Variants in DEGS2 observed in about 807,000 individuals in gnomAD.
The protein encoded by DEGS2 is sphingolipid delta(4)-desaturase/C4-monooxygenase DES2.
In DEGS2, 19 loss-of-function variants were observed where a neutral mutation model predicts 23.8. The ratio of observed to expected loss-of-function variants is 0.80; its 90% CI spans 0.56 to 1.17. The LOEUF is 1.17. Among genes scored for constraint, DEGS2 ranks in the 50% most tolerant of loss-of-function variants. DEGS2 has a pLI of 0.00. For missense variants in DEGS2, 390 were observed against 459.5 expected (o/e 0.85, Z 1.38); for synonymous variants, 218 against 213.7 (o/e 1.02, Z -0.18).
Position 100,153,482 on chromosome 14 carries a change from G to C in DEGS2, c.83-3772C>G, listed in dbSNP as rs576160483. Among the ~76,000 whole-genome samples the C allele has an allele frequency of 5.3e-5, 8 of 152,270 alleles. No individual in the cohort carries two copies. In the South Asian group the frequency reaches 1.7e-3, roughly 32 times the overall value. ...CCCATCTTCTCTGGGCCACAAGAGA[G>C]GGGGAAAGCCCAAGGCAGAGAAGGA... On this transcript the variant is annotated intron_variant, in intron 1 of 2. Transcript: ENST00000305631.
At chr14:100,153,958 C>T (rs1253806428) in intron 1 of DEGS2, among the ~76,000 whole-genome samples, 1 of 152,182 alleles carries the variant, frequency 6.6e-6, no homozygotes, top group Non-Finnish European at 1.5e-5. Context: ...GACTTGAACT[C>T]AGGACCCCCG....
intron 1 of DEGS2, among the ~76,000 whole-genome samples, chr14:100,155,996 C>T (rs769049340): frequency 1.6e-4 from 24 of 152,218 alleles, no homozygotes; most frequent in Non-Finnish European, 3.2e-4. Context: ...GCCTAGGAGA[C>T]CCCACTTTCT....
chr14:100,155,073 A>T (rs2140424273), intron 1 of DEGS2, among the ~76,000 whole-genome samples: 1 of 152,262 alleles, frequency 6.6e-6, no homozygotes, highest in African/African-American at 2.4e-5. Context: ...ATGCCATCAT[A>T]TGACAGTCAC....
At chr14:100,166,611 G>A in the DEGS2 span, among the ~76,000 whole-genome samples, 1 of 152,234 alleles carries the variant, frequency 6.6e-6, no homozygotes, top group East Asian at 1.9e-4. Context: ...TTACCAGGGG[G>A]CCGCGCTCAA....
upstream of DEGS2, among the ~76,000 whole-genome samples, chr14:100,161,129 C>T (rs1392730108): frequency 6.6e-6 from 1 of 152,220 alleles, no homozygotes; most frequent in Non-Finnish European, 1.5e-5. Flanking sequence ...TGACTTTGGC[C>T]CCTGACCTTT....
intron 2 of DEGS2, among the ~76,000 whole-genome samples, chr14:100,148,495 T>TGCCC (rs754653462): frequency 6.6e-6 from 1 of 152,198 alleles, no homozygotes; most frequent in African/African-American, 2.4e-5. Flanking sequence ...AAGGCAAAGA[T>TGCCC]GCCCATACCC....
In DEGS2 at chr14:100,146,349, GGC is replaced by G; in HGVS notation, c.*410_*411del. The G allele has an allele frequency of 5.5e-6, 1 of 180,250 alleles. No individual in the cohort carries two copies. Among genetic ancestry groups the G allele is most frequent in the Non-Finnish European group, 1.2e-5 (1 of 86,802 alleles). The allele number at this position is 180,250 out of a possible 1,614,324, so 11.2% of individuals were successfully genotyped here. On this transcript the variant is annotated 3_prime_UTR_variant, in exon 3 of 3. Coordinates refer to ENST00000305631, the MANE Select transcript of DEGS2 (RefSeq NM_206918.3). ...GGCCTCAAGCTCCACTCATCGGGGC[GGC>G]CCAGCGCCCCATTCCCTGGGGCCAG...
chr14:100,163,934 G>A (rs573888176), upstream of DEGS2, among the ~76,000 whole-genome samples: 20 of 152,168 alleles, frequency 1.3e-4, no homozygotes, highest in South Asian at 3.1e-3. Context: ...TTTGTGGCCC[G>A]GCGAGGTGGC....
chr14:100,159,060 C>G (rs560160622), intron 1 of DEGS2, among the ~76,000 whole-genome samples: 7 of 152,220 alleles, frequency 4.6e-5, no homozygotes, highest in Admixed American at 4.6e-4. Flanking sequence ...CCCGTGGCCG[C>G]GAGACCCAGG....
At chr14:100,154,135 C>T (rs1267551567) in intron 1 of DEGS2, among the ~76,000 whole-genome samples, 2 of 152,100 alleles carry the variant, frequency 1.3e-5, no homozygotes, top group African/African-American at 4.8e-5. Context: ...GAGGCTGAGA[C>T]GGGCAGATCA....
At chr14:100,147,006 T>G in intron 2 of DEGS2, 99 bp from the exon 3 acceptor site, 1 of 1,388,840 alleles carries the variant, frequency 7.2e-7, no homozygotes, top group Non-Finnish European at 9.8e-7. Context: ...GGCATGCACA[T>G]GCATATTCAT....
rs760596739 is a variant in DEGS2, at chr14:100,144,910, C to G, written c.*1851G>C. Reference sequence around the variant, plus strand: ...ATCTCAAGGGCCGGCTCCTAGCACACTGCACGTTGTTGGGCTTCCCGGCAG... The same window carrying G: ...ATCTCAAGGGCCGGCTCCTAGCACAGTGCACGTTGTTGGGCTTCCCGGCAG... On this transcript the variant is annotated 3_prime_UTR_variant, in exon 3 of 3. Coordinates refer to ENST00000305631, the MANE Select transcript of DEGS2 (RefSeq NM_206918.3). The G allele has an allele frequency of 1.3e-5, 2 of 152,378 alleles. No individual in the cohort carries two copies. The highest frequency in any genetic ancestry group is 2.1e-4 in the South Asian group (1 of 4,828). 9.4% of individuals were successfully genotyped at this position (152,378 alleles called of 1,614,324 possible). A position where few individuals can be genotyped will look rare whatever the true frequency, so the allele number is the denominator to read the frequency against.
At chr14:100,156,587 T>A (rs949154512) in intron 1 of DEGS2, among the ~76,000 whole-genome samples, 1 of 152,108 alleles carries the variant, frequency 6.6e-6, no homozygotes. Flanking sequence ...GGCTAATAAG[T>A]GGGTGTCAGG....
chr14:100,146,344 G>A lies in DEGS2; in HGVS notation c.*417C>T, dbSNP rs549584476. On this transcript the variant is annotated 3_prime_UTR_variant, in exon 3 of 3. Coordinates refer to ENST00000305631, the MANE Select transcript of DEGS2 (RefSeq NM_206918.3). The stretch of plus-strand genomic sequence containing the variant: ...ACTCAGGCCTCAAGCTCCACTCATC[G>A]GGGCGGCCCAGCGCCCCATTCCCTG... 5.6e-5 allele frequency: 10 copies of A among 179,012 alleles called. No homozygotes were observed. Among genetic ancestry groups the A allele is most frequent in the East Asian group, 1.8e-4 (1 of 5,650 alleles). 11.1% of individuals were successfully genotyped at this position (179,012 alleles called of 1,614,324 possible).
upstream of DEGS2, among the ~76,000 whole-genome samples, chr14:100,164,104 C>T (rs1317006605): frequency 1.3e-5 from 2 of 151,894 alleles, no homozygotes; most frequent in African/African-American, 2.4e-5. Flanking sequence ...TGGTCCCAGG[C>T]GCGATGTAGG....
At chr14:100,163,907 T>G (rs1185921366), upstream of DEGS2, among the ~76,000 whole-genome samples, 1 of 151,998 alleles carries the variant, frequency 6.6e-6, no homozygotes, top group African/African-American at 2.4e-5. Flanking sequence ...TTGGGGTTTT[T>G]TTTGCAGAGA....
rs542997190 is a variant in DEGS2 at position 100,149,064 on chromosome 14, G to A, written c.729C>T (p.Tyr243=). ...TCCAGTTGAGAGGCCCATAGTAGGAGTAGGTCTCGTGGCCCTTGAGGAACA... is the reference window on the plus strand; with the variant it reads ...TCCAGTTGAGAGGCCCATAGTAGGAATAGGTCTCGTGGCCCTTGAGGAACA... ...HYMFLKGHET[Y]SYYGPLNWIT... is the part of the protein sequence containing the mutation. Residue 243 remains tyrosine (Y), a synonymous_variant, in exon 2 of 3, where the codon TAC becomes TAT. Transcript: ENST00000305631. 18 of 1,612,958 alleles carry A rather than the reference G, an allele frequency of 1.1e-5. No homozygotes were observed. In the Admixed American group the frequency reaches 1.7e-4, roughly 15 times the overall value.
At chr14:100,158,995 A>G (rs1278588375) in intron 1 of DEGS2, among the ~76,000 whole-genome samples, 1 of 152,232 alleles carries the variant, frequency 6.6e-6, no homozygotes, top group African/African-American at 2.4e-5. Context: ...CGCGCCTCTC[A>G]TTCGCGTTTG....
rs4905937 is a variant in DEGS2 at position 100,149,624 on chromosome 14, C to T, written c.169G>A (p.Ala57Thr). ...VLVLVLVQML[A>T]CWLVRGLAWR... Reference sequence around the variant, plus strand: ...GCCAGCCCGCGCACCAGCCAGCAGGCCAGCATCTGCACCAGCACCAGCACC... The same window carrying T: ...GCCAGCCCGCGCACCAGCCAGCAGGTCAGCATCTGCACCAGCACCAGCACC... Residue 57 changes from alanine to threonine, a missense_variant, in exon 2 of 3, where the codon GCC becomes ACC. Transcript: ENST00000305631. 250,929 of 1,611,470 alleles carry T rather than the reference C, an allele frequency of 0.16. 19,954 individuals carry two copies. The highest frequency in any genetic ancestry group is 0.22 in the Middle Eastern group (1,346 of 6,060).
Sources: gnomAD v4.1 joint callset for allele counts (sites outside exome capture counted in the v4.1 genomes callset) on GRCh38, gnomAD v4.1.1 for gene constraint, MANE v1.5 for transcripts, NCBI Gene and HGNC (gene_info 2026-07-23, HGNC 2026-07-21) for gene names.